The following SLTM variants were observed in gnomAD, a reference collection of about 807,000 sequenced individuals.
The protein encoded by SLTM is SAFB-like transcription modulator.
In SLTM, 43 loss-of-function variants were observed where a neutral mutation model predicts 134.6. That is an observed-to-expected ratio of 0.32 (90% confidence interval 0.25 to 0.41). The LOEUF (loss-of-function observed/expected upper bound fraction) is 0.41. SLTM is among the 10% of genes least tolerant of loss of function. The pLI is 1.00. For synonymous variants in SLTM, 424 were observed against 432.3 expected (o/e 0.98, Z 0.24); for missense variants, 1,055 against 1,288.8 (o/e 0.82, Z 2.78).
At chr15:58,921,640 T>G in intron 2 of SLTM, 1 of 405,888 alleles carries the variant, frequency 2.5e-6, no homozygotes, top group South Asian at 1.8e-5. Flanking sequence ...AGTAACAACC[T>G]GATAGATACA....
At position 58,883,690 on chromosome 15, in the gene SLTM, A is replaced by G. The variant is rs1567098962; in HGVS notation, c.2932T>C (p.Tyr978His). ...TCACCCATTCGCCTCGTATCATGAT[A>G]GCTAGGCCCTTGAGAGGGTGGACCA... ...WHGPPSQGPSYHDTRRMGDGR... is the reference protein window; with the variant it reads ...WHGPPSQGPSHHDTRRMGDGR... Residue 978 changes from tyrosine (Y) to histidine (H), a missense_variant, in exon 20 of 21, where the codon TAT becomes CAT. Transcript: ENST00000380516. 6.2e-7 allele frequency: 1 copy of G among 1,614,114 alleles called. No homozygotes were observed. Among genetic ancestry groups the G allele is most frequent in the East Asian group, 2.2e-5 (1 of 44,876 alleles).
At chr15:58,921,154 C>T (rs1165747809) in intron 2 of SLTM, among the ~76,000 whole-genome samples, 1 of 152,096 alleles carries the variant, frequency 6.6e-6, no homozygotes, top group Non-Finnish European at 1.5e-5. Context: ...GGTCCAGGTG[C>T]TAGGATAAAT....
At chr15:58,930,492 A>C (rs1402614099) in intron 2 of SLTM, among the ~76,000 whole-genome samples, 2 of 151,890 alleles carry the variant, frequency 1.3e-5, no homozygotes, top group African/African-American at 4.8e-5. Flanking sequence ...TTATGGAATA[A>C]AGTTCAAGTA....
chr15:58,922,538 TATTTTATATG>T (rs1466331280), intron 2 of SLTM, among the ~76,000 whole-genome samples: 3 of 728 alleles, frequency 4.1e-3, no homozygotes, highest in African/African-American at 9.0e-3. Context: ...GTATATAATA[TATTTTATATG>T]TATATAATAT....
chr15:58,912,192 T>G (rs2036321394), intron 5 of SLTM, among the ~76,000 whole-genome samples: 1 of 151,224 alleles, frequency 6.6e-6, no homozygotes, highest in Admixed American at 6.6e-5. Flanking sequence ...CTCCACCTCC[T>G]GCGTTCATGC....
At chr15:58,880,540 TTTTC>T (rs1322008864) in intron 20 of SLTM, among the ~76,000 whole-genome samples, 1 of 151,952 alleles carries the variant, frequency 6.6e-6, no homozygotes, top group African/African-American at 2.4e-5. Flanking sequence ...CAACCTGTGC[TTTTC>T]TTTGTTTGTT....
In SLTM at chr15:58,920,293, C is replaced by T. The variant is rs558684256; in HGVS notation, c.251-3294G>A. Among the ~76,000 whole-genome samples the T allele has an allele frequency of 3.8e-4, 57 of 151,838 alleles. 1 individual carries two copies. Among genetic ancestry groups the T allele is most frequent in the Admixed American group, 2.0e-3 (30 of 15,234 alleles). ...CTGAGATCGCCCCACTGCACTCATGCCTGAGAGACAGAGCGACACTCTGTC... is the reference window on the plus strand; with the variant it reads ...CTGAGATCGCCCCACTGCACTCATGTCTGAGAGACAGAGCGACACTCTGTC... On this transcript the variant is annotated intron_variant, in intron 2 of 20. Transcript: ENST00000380516.
At chr15:58,904,997 C>A (rs1282434261) in intron 5 of SLTM, among the ~76,000 whole-genome samples, 1 of 152,066 alleles carries the variant, frequency 6.6e-6, no homozygotes, top group Non-Finnish European at 1.5e-5. Context: ...GCGTGAGCCA[C>A]CATGCCCGGC....
At position 58,899,869 on chromosome 15, in the gene SLTM, C is replaced by G; in HGVS notation, c.658G>C (p.Glu220Gln). Residue 220 changes from glutamate (E) to glutamine (Q), a missense_variant, in exon 7 of 21, where the codon GAG becomes CAG. Around this residue, in one of 3 missense-constraint regions of SLTM, gnomAD observed 268 missense variants for 284.3 expected, o/e 0.94. Coordinates refer to ENST00000380516, the MANE Select transcript of SLTM (RefSeq NM_024755.4). The surrounding 1 kb of genome is among the most constrained non-coding windows in gnomAD (Gnocchi z 5.0). ...TCTTCATGAGCTGTGTGATCAGCCT[C>G]AGCTAGGCTCCCTTCTGAAGGAAGA... ...KPLPSEGSLA[E>Q]ADHTAHEEME... is the part of the protein sequence containing the mutation. The G allele has an allele frequency of 6.2e-7, 1 of 1,614,088 alleles. No individual in the cohort carries two copies. Among genetic ancestry groups the G allele is most frequent in the Non-Finnish European group, 8.5e-7 (1 of 1,179,996 alleles).
chr15:58,902,333 A>C (rs2035539923), intron 5 of SLTM, among the ~76,000 whole-genome samples: 1 of 151,824 alleles, frequency 6.6e-6, no homozygotes, highest in Non-Finnish European at 1.5e-5. Flanking sequence ...TATCCTCCCA[A>C]GTAGCTGGGA....
In SLTM at chr15:58,894,544, A is replaced by G. The variant is rs766554799; in HGVS notation, c.1266T>C (p.Pro422=). The stretch of plus-strand genomic sequence containing the variant: ...TTACAATGCCATAGCATTTTGCCCC[A>G]GGACTTCGAGCATTTGTAACTACTT... The part of the protein sequence containing the change: ...SAKVVTNARS[P]GAKCYGIVTM... The change falls in exon 10 of 21, where the codon CCT becomes CCC. Residue 422 remains proline (P), a synonymous_variant. Transcript: ENST00000380516. The G allele has an allele frequency of 1.2e-6, 2 of 1,614,036 alleles. No homozygotes were observed. Among genetic ancestry groups the G allele is most frequent in the Admixed American group, 3.3e-5 (2 of 59,998 alleles).
intron 19 of SLTM, 82 bp from the exon 20 acceptor site, chr15:58,883,868 C>G: frequency 6.7e-7 from 1 of 1,484,232 alleles, no homozygotes; most frequent in East Asian, 2.4e-5. Flanking sequence ...GAGGCTGAGG[C>G]AGGCGGATCA....
intron 5 of SLTM, among the ~76,000 whole-genome samples, chr15:58,909,446 T>TCC (rs1259199718): frequency 6.6e-6 from 1 of 152,152 alleles, no homozygotes; most frequent in African/African-American, 2.4e-5. Context: ...CAAACATATA[T>TCC]CCTGGCTTTC....
In SLTM at chr15:58,887,552, A is replaced by G. The variant is rs2140958133; in HGVS notation, c.2376-12T>C. The G allele has an allele frequency of 6.3e-7, 1 of 1,598,284 alleles. No individual in the cohort carries two copies. The highest frequency in any genetic ancestry group is 1.7e-4 in the Middle Eastern group (1 of 5,932). On this transcript the variant is annotated splice_polypyrimidine_tract_variant and intron_variant, in intron 17 of 20. Transcript: ENST00000380516. ...CAAAGCGATCCCGCCTATTGATTAGAAACAAAGAATATAGGTCCAAGAAGT... is the reference window on the plus strand; with the variant it reads ...CAAAGCGATCCCGCCTATTGATTAGGAACAAAGAATATAGGTCCAAGAAGT...
chr15:58,923,803 T>C (rs982876753), intron 2 of SLTM, among the ~76,000 whole-genome samples: 2 of 135,574 alleles, frequency 1.5e-5, no homozygotes, highest in East Asian at 2.2e-4. Flanking sequence ...CCAAACCTTT[T>C]TTTTTTTTTT....
At chr15:58,907,649 T>C (rs988684180) in intron 5 of SLTM, among the ~76,000 whole-genome samples, 1 of 151,900 alleles carries the variant, frequency 6.6e-6, no homozygotes, top group Non-Finnish European at 1.5e-5. Context: ...AAAATTAAAG[T>C]ATTAGCAAAC....
rs377084974 is a variant in SLTM, at chr15:58,885,677, G to A, written c.2835+1298C>T. 7.9e-5 allele frequency among the ~76,000 whole-genome samples: 12 copies of A among 152,210 alleles called. No individual in the cohort carries two copies. The South Asian group carries it at 1.5e-3, about 18-fold the overall frequency. On this transcript the variant is annotated intron_variant, in intron 19 of 20. Coordinates refer to ENST00000380516, the MANE Select transcript of SLTM (RefSeq NM_024755.4). ...CGCACATCTGTAGTCCCAGCTAATC[G>A]GGAGGCTGAGGAAGGAAAATCGCTT...
At chr15:58,888,690 G>A in intron 16 of SLTM, 135 bp from the exon 17 acceptor site, 1 of 698,510 alleles carries the variant, frequency 1.4e-6, no homozygotes, top group South Asian at 2.4e-5. Context: ...TAACACATCA[G>A]GAGTACAAAC....
chr15:58,926,056 C>T (rs747383661), intron 2 of SLTM, among the ~76,000 whole-genome samples: 27 of 152,168 alleles, frequency 1.8e-4, no homozygotes, highest in Admixed American at 1.6e-3. Flanking sequence ...ATGTAAGAAT[C>T]ACCTGGGGAG....
Sources: gnomAD v4.1 joint callset for allele counts (sites outside exome capture counted in the v4.1 genomes callset) on GRCh38, gnomAD v4.1.1 for gene constraint, gnomAD v4.1.1 regional missense constraint, Gnocchi (gnomAD v3.1) non-coding constraint, MANE v1.5 for transcripts, NCBI Gene and HGNC (gene_info 2026-07-23, HGNC 2026-07-21) for gene names.